RAI14: variants seen among roughly 807,000 people sequenced by gnomAD.
The protein encoded by RAI14 is ankycorbin.
Under a neutral mutation model 115.4 loss-of-function variants are expected in RAI14, and 45 were observed. The ratio of observed to expected loss-of-function variants is 0.39; its 90% CI spans 0.31 to 0.50. The LOEUF is 0.50. Among genes scored for constraint, RAI14 ranks in the 20% least tolerant of loss-of-function variants. The pLI is 0.85. For missense variants in RAI14, 939 were observed against 1,131.2 expected, an observed-to-expected ratio of 0.83 and a Z score of 2.44; for synonymous variants, 371 against 415.4, an observed-to-expected ratio of 0.89 and a Z score of 1.30.
At chr5:34,720,336 A>G (rs1210697712) in intron 2 of RAI14, among the ~76,000 whole-genome samples, 1 of 151,710 alleles carries the variant, frequency 6.6e-6, no homozygotes, top group East Asian at 1.9e-4. Context: ...ATATGGAGTC[A>G]AGTTAGTCTA....
intron 15 of RAI14, among the ~76,000 whole-genome samples, chr5:34,825,834 G>A (rs565274796): frequency 6.6e-6 from 1 of 152,186 alleles, no homozygotes; most frequent in Non-Finnish European, 1.5e-5. Context: ...ATCATCCAGG[G>A]GAACAGGGAT....
At chr5:34,814,793 C>T (rs1050215455) in intron 12 of RAI14, 124 bp downstream of exon 12, 4 of 742,118 alleles carry the variant, frequency 5.4e-6, no homozygotes, top group Non-Finnish European at 9.0e-6. Flanking sequence ...AACCTTTTCA[C>T]CATGAAGTAC....
chr5:34,806,215 G>A (rs1449131305), intron 5 of RAI14, among the ~76,000 whole-genome samples: 4 of 152,174 alleles, frequency 2.6e-5, no homozygotes, highest in African/African-American at 7.2e-5. Context: ...GGTCACAAAG[G>A]TGCTGGCCAG....
At chr5:34,732,618 T>C (rs1284421180) in intron 2 of RAI14, among the ~76,000 whole-genome samples, 1 of 151,676 alleles carries the variant, frequency 6.6e-6, no homozygotes, top group Non-Finnish European at 1.5e-5. Context: ...TTTGTGTTTT[T>C]AGTAGAGATG....
chr5:34,675,542 C>T (rs937888710), intron 1 of RAI14, among the ~76,000 whole-genome samples: 3 of 152,190 alleles, frequency 2.0e-5, no homozygotes, highest in African/African-American at 7.2e-5. Context: ...CGTTTGAGGC[C>T]AGCAGTGCAA....
At chr5:34,733,281 A>C (rs1049782060) in intron 2 of RAI14, 4 of 152,204 alleles carry the variant, frequency 2.6e-5, no homozygotes, top group African/African-American at 7.2e-5. Flanking sequence ...AAGGTGCTCA[A>C]TGAATACTGC....
intron 3 of RAI14, among the ~76,000 whole-genome samples, chr5:34,762,976 T>C (rs1321272196): frequency 8.8e-6 from 1 of 113,998 alleles, no homozygotes; most frequent in Non-Finnish European, 1.8e-5. Flanking sequence ...TGTGTGTGTG[T>C]ATGTGTCTGT....
chr5:34,709,027 TA>T (rs1741075058), intron 2 of RAI14, among the ~76,000 whole-genome samples: 1 of 149,308 alleles, frequency 6.7e-6, no homozygotes, highest in Non-Finnish European at 1.5e-5. Flanking sequence ...CCTATTGTGC[TA>T]GCTAGGCGGG....
At chr5:34,755,110 A>G (rs948534007) in intron 2 of RAI14, among the ~76,000 whole-genome samples, 1 of 150,810 alleles carries the variant, frequency 6.6e-6, no homozygotes, top group Non-Finnish European at 1.5e-5. Flanking sequence ...CTTTGCTTGT[A>G]AAGTGCACTC....
chr5:34,757,310 C>T, intron 2 of RAI14, 158 bp from the exon 3 acceptor site: 2 of 825,820 alleles, frequency 2.4e-6, no homozygotes, highest in Non-Finnish European at 4.1e-6. Context: ...TTGGGTGTCT[C>T]CATGGTGAAG....
intron 2 of RAI14, among the ~76,000 whole-genome samples, chr5:34,736,374 C>A (rs1363475324): frequency 2.0e-5 from 3 of 152,100 alleles, no homozygotes; most frequent in Non-Finnish European, 1.5e-5. Context: ...GGCACTCCAG[C>A]CTGGGCAATG....
At chr5:34,656,910 C>G (rs1182369316) in intron 1 of RAI14, 1 of 152,322 alleles carries the variant, frequency 6.6e-6, no homozygotes, top group African/African-American at 2.4e-5. Context: ...TCGCTGCCCC[C>G]GCGTCGGTGC....
chr5:34,743,592 T>C (rs1745797658), intron 2 of RAI14, among the ~76,000 whole-genome samples: 1 of 152,212 alleles, frequency 6.6e-6, no homozygotes, highest in Non-Finnish European at 1.5e-5. Flanking sequence ...ACTTAGGACT[T>C]ACATGTACGT....
At chr5:34,814,843 G>A (rs147486665) in intron 12 of RAI14, among the ~76,000 whole-genome samples, 174 bp downstream of exon 12, 257 of 152,232 alleles carry the variant, frequency 1.7e-3, no homozygotes, top group African/African-American at 6.1e-3. Flanking sequence ...CATAAAGCAA[G>A]AATGTGTACA....
At chr5:34,661,350 A>C (rs1274273284) in intron 1 of RAI14, among the ~76,000 whole-genome samples, 1 of 152,092 alleles carries the variant, frequency 6.6e-6, no homozygotes, top group African/African-American at 2.4e-5. Context: ...ACTCTTGTTT[A>C]CTGTTGTATT....
chr5:34,702,768 A>G (rs1342519197), intron 2 of RAI14, among the ~76,000 whole-genome samples: 1 of 152,198 alleles, frequency 6.6e-6, no homozygotes, highest in Non-Finnish European at 1.5e-5. Flanking sequence ...GTGCAATGGC[A>G]TAATCTTGGC....
intron 2 of RAI14, among the ~76,000 whole-genome samples, chr5:34,699,991 G>A (rs953919772): frequency 6.6e-6 from 1 of 152,204 alleles, no homozygotes; most frequent in African/African-American, 2.4e-5. Context: ...CTAGAGATAA[G>A]GAGGGTGGGG....
intron 3 of RAI14, among the ~76,000 whole-genome samples, chr5:34,762,192 C>A (rs1489891163): frequency 6.6e-6 from 1 of 152,108 alleles, no homozygotes; most frequent in East Asian, 1.9e-4. Context: ...GGGTAAATTG[C>A]TTAGGGGTGA....
chr5:34,692,210 C>G (rs888802137), intron 2 of RAI14, among the ~76,000 whole-genome samples: 4 of 152,146 alleles, frequency 2.6e-5, no homozygotes, highest in African/African-American at 7.2e-5. Flanking sequence ...TTGCAGTGAG[C>G]TGAGATCACA....
Sources: gnomAD v4.1 joint callset for allele counts (sites outside exome capture counted in the v4.1 genomes callset) on GRCh38, gnomAD v4.1.1 for gene constraint, MANE v1.5 for transcripts, NCBI Gene and HGNC (gene_info 2026-07-23, HGNC 2026-07-21) for gene names.